The following LHFPL6 variants were observed in gnomAD, a reference collection of about 807,000 sequenced individuals.
LHFPL6 encodes LHFPL tetraspan subfamily member 6 protein.
In LHFPL6, 9 loss-of-function variants were observed where a neutral mutation model predicts 20.6. The observed-to-expected ratio is 0.44, with a 90% CI of 0.26 to 0.76. The LOEUF is 0.76. Among genes scored for constraint, LHFPL6 ranks in the 30% least tolerant of loss-of-function variants. The probability of loss-of-function intolerance (pLI) is 0.20; values close to 1 mark genes in which losing one functional copy is unlikely to be tolerated. For missense variants in LHFPL6, 218 were observed against 253.5 expected (o/e 0.86, Z 0.95); for synonymous variants, 105 against 98.7 (o/e 1.06, Z -0.38).
chr13:39,412,393 GTCTT>G (rs1871255972), intron 2 of LHFPL6, among the ~76,000 whole-genome samples: 2 of 152,280 alleles, frequency 1.3e-5, no homozygotes, highest in South Asian at 2.1e-4. Context: ...CTACTTCTAA[GTCTT>G]TCTAATTTTT....
chr13:39,375,032 G>T (rs1235099261), intron 3 of LHFPL6, among the ~76,000 whole-genome samples: 2 of 152,178 alleles, frequency 1.3e-5, no homozygotes, highest in Non-Finnish European at 2.9e-5. Context: ...ATCAAAAACA[G>T]CACGTCAACA....
chr13:39,515,875 G>A (rs1258390296), intron 2 of LHFPL6, among the ~76,000 whole-genome samples: 1 of 152,022 alleles, frequency 6.6e-6, no homozygotes, highest in East Asian at 1.9e-4. Context: ...AAATTACTAT[G>A]GAAATACAGT....
intron 3 of LHFPL6, among the ~76,000 whole-genome samples, chr13:39,352,318 T>C (rs1368949584): frequency 1.3e-5 from 2 of 152,216 alleles, no homozygotes; most frequent in African/African-American, 2.4e-5. Flanking sequence ...TACACTTTAG[T>C]TCCACTCCAG....
intron 2 of LHFPL6, among the ~76,000 whole-genome samples, chr13:39,541,502 C>A (rs150786812): frequency 9.5e-4 from 145 of 152,252 alleles, no homozygotes; most frequent in African/African-American, 3.0e-3. Context: ...CACTCCCTAC[C>A]TGCAGGCCTC....
chr13:39,370,724 C>G (rs952239426), intron 3 of LHFPL6, among the ~76,000 whole-genome samples: 1 of 152,190 alleles, frequency 6.6e-6, no homozygotes, highest in African/African-American at 2.4e-5. Context: ...AGCTGCCTGG[C>G]CTGCCTGAGC....
At chr13:39,417,903 G>A (rs138725961) in intron 2 of LHFPL6, among the ~76,000 whole-genome samples, 1 of 152,258 alleles carries the variant, frequency 6.6e-6, no homozygotes, top group Non-Finnish European at 1.5e-5. Context: ...AAGGAGCATG[G>A]GATTTGAAGT....
At chr13:39,351,225 G>A (rs935259166) in intron 3 of LHFPL6, among the ~76,000 whole-genome samples, 1 of 152,194 alleles carries the variant, frequency 6.6e-6, no homozygotes. Context: ...TATAACAGCT[G>A]TCATATATAG....
At position 39,598,286 on chromosome 13, in the gene LHFPL6, A is replaced by AT. The variant is rs1257080838; in HGVS notation, c.385+2545_385+2546insA. Among the ~76,000 whole-genome samples, 102 of 19,444 alleles carry AT rather than the reference A, an allele frequency of 5.2e-3. 1 individual carries two copies. The highest frequency in any genetic ancestry group is 0.023 in the African/African-American group (98 of 4,178). The allele number at this position is 19,444 out of a possible 152,430, so 12.8% of individuals were successfully genotyped here. A position where few individuals can be genotyped will look rare whatever the true frequency, so the allele number is the denominator to read the frequency against. ...AGCTACCTAGGGAATTCTTTTTGAA[A>AT]CTTTTTTTTTTTTGGTCATCTGGTC... On this transcript the variant is annotated intron_variant, in intron 2 of 3. Coordinates refer to ENST00000379589, the MANE Select transcript of LHFPL6 (RefSeq NM_005780.3).
At chr13:39,505,797 A>G (rs1353036539) in intron 2 of LHFPL6, among the ~76,000 whole-genome samples, 3 of 152,222 alleles carry the variant, frequency 2.0e-5, no homozygotes, top group Admixed American at 2.0e-4. Flanking sequence ...TACCCACTAC[A>G]GATTTCCAGT....
intron 2 of LHFPL6, among the ~76,000 whole-genome samples, chr13:39,593,945 C>T (rs897462361): frequency 6.6e-5 from 10 of 152,162 alleles, no homozygotes; most frequent in Non-Finnish European, 1.0e-4. Context: ...CCCTTCCTTA[C>T]ACCTTATACA....
intron 2 of LHFPL6, among the ~76,000 whole-genome samples, chr13:39,457,468 T>C (rs899797140): frequency 3.3e-5 from 5 of 152,022 alleles, no homozygotes; most frequent in Non-Finnish European, 5.9e-5. Flanking sequence ...GTTGGAAAGG[T>C]TCACAATACC....
intron 2 of LHFPL6, among the ~76,000 whole-genome samples, chr13:39,555,287 A>G (rs7324765): frequency 0.35 from 52,717 of 151,398 alleles, 9,623 homozygotes; most frequent in African/African-American, 0.47. Context: ...TGGCTTCTGA[A>G]TACAGTAAAA....
chr13:39,593,719 T>G (rs1872682066), intron 2 of LHFPL6, among the ~76,000 whole-genome samples: 1 of 151,758 alleles, frequency 6.6e-6, no homozygotes, highest in South Asian at 2.1e-4. Context: ...CAAACTATAC[T>G]ACAAGGCTAC....
chr13:39,543,576 C>T (rs1870877962), intron 2 of LHFPL6, among the ~76,000 whole-genome samples: 1 of 152,146 alleles, frequency 6.6e-6, no homozygotes, highest in East Asian at 1.9e-4. Context: ...ACCTGCCATT[C>T]ATTTTCCCTG....
At chr13:39,352,640 C>T (rs1869598454) in intron 3 of LHFPL6, among the ~76,000 whole-genome samples, 1 of 151,844 alleles carries the variant, frequency 6.6e-6, no homozygotes, top group South Asian at 2.1e-4. Flanking sequence ...ATATGATAAG[C>T]TGACTGACTT....
chr13:39,358,770 G>T (rs1203380692), intron 3 of LHFPL6, among the ~76,000 whole-genome samples: 1 of 152,108 alleles, frequency 6.6e-6, no homozygotes, highest in African/African-American at 2.4e-5. Flanking sequence ...TATACAAGCG[G>T]CCAACAAACA....
chr13:39,483,388 T>C (rs902961338), intron 2 of LHFPL6, among the ~76,000 whole-genome samples: 5 of 152,124 alleles, frequency 3.3e-5, no homozygotes, highest in African/African-American at 1.2e-4. Flanking sequence ...AAATGGAAGT[T>C]TTCTTTGCCC....
At chr13:39,471,817 C>T (rs182485641) in intron 2 of LHFPL6, among the ~76,000 whole-genome samples, 2 of 152,286 alleles carry the variant, frequency 1.3e-5, no homozygotes, top group East Asian at 3.9e-4. Flanking sequence ...AAGCTTTAAC[C>T]TCATGTAAAC....
chr13:39,421,706 C>T (rs1346775156), intron 2 of LHFPL6, among the ~76,000 whole-genome samples: 1 of 152,096 alleles, frequency 6.6e-6, no homozygotes, highest in Non-Finnish European at 1.5e-5. Flanking sequence ...TCACAGCTGT[C>T]ATCTGTTTCT....
Sources: gnomAD v4.1 joint callset for allele counts (sites outside exome capture counted in the v4.1 genomes callset) on GRCh38, gnomAD v4.1.1 for gene constraint, MANE v1.5 for transcripts, NCBI Gene and HGNC (gene_info 2026-07-23, HGNC 2026-07-21) for gene names.